Variants in ELF1 observed in about 807,000 individuals in gnomAD.
ELF1 encodes the protein ETS-related transcription factor Elf-1.
ELF1 carries 24 observed loss-of-function variants against 59.9 expected under a neutral mutation model. The observed-to-expected ratio is 0.40, with a 90% confidence interval of 0.29 to 0.56. The LOEUF (loss-of-function observed/expected upper bound fraction) is 0.56. ELF1 is among the 20% of genes least tolerant of loss of function. The probability of loss-of-function intolerance (pLI) is 0.44; values close to 1 mark genes in which losing one functional copy is unlikely to be tolerated. For synonymous variants in ELF1, 248 were observed against 266.2 expected, an observed-to-expected ratio of 0.93 and a Z score of 0.67; for missense variants, 627 against 742.2, an observed-to-expected ratio of 0.84 and a Z score of 1.80.
chr13:40,995,487 A>C (rs951144807), intron 1 of ELF1, among the ~76,000 whole-genome samples: 7 of 152,218 alleles, frequency 4.6e-5, no homozygotes, highest in Admixed American at 6.5e-5. Context: ...AACCTATAGT[A>C]ATCAAGACAG....
intron 1 of ELF1, among the ~76,000 whole-genome samples, chr13:41,060,642 C>T (rs1009045561): frequency 1.3e-5 from 2 of 152,174 alleles, no homozygotes; most frequent in Non-Finnish European, 2.9e-5. Flanking sequence ...TCTACAAACT[C>T]ACCCAGACGG....
intron 5 of ELF1, among the ~76,000 whole-genome samples, chr13:40,949,339 T>G (rs755375060): frequency 2.4e-4 from 36 of 152,120 alleles, no homozygotes; most frequent in Non-Finnish European, 4.0e-4. Context: ...ATACCTCTTT[T>G]TCTTATTTAT....
At position 41,060,914 on chromosome 13, in the gene ELF1, T is replaced by TGCCGCTGCCGCC. The variant is rs1555283652; in HGVS notation, c.-306_-305insGGCGGCAGCGGC. The stretch of plus-strand genomic sequence containing the variant: ...GCCTCTGCGCTACTGAAGCTGCTGC[T>TGCCGCTGCCGCC]GCCGCCGCCGCCGCCGCCGCCGCCG... On this transcript the variant is annotated 5_prime_UTR_variant, in exon 1 of 2. Transcript: ENST00000405737. The TGCCGCTGCCGCC allele has an allele frequency of 2.8e-3, 982 of 344,980 alleles. 69 individuals are homozygous for TGCCGCTGCCGCC. Among genetic ancestry groups the TGCCGCTGCCGCC allele is most frequent in the African/African-American group, 0.02 (876 of 44,082 alleles). The allele number at this position is 344,980 out of a possible 1,614,324, so 21.4% of individuals were successfully genotyped here. A position where few individuals can be genotyped will look rare whatever the true frequency, so the allele number is the denominator to read the frequency against.
intron 1 of ELF1, among the ~76,000 whole-genome samples, chr13:40,987,108 TG>T (rs1460711942): frequency 1.3e-5 from 2 of 150,584 alleles, no homozygotes; most frequent in South Asian, 4.2e-4. Context: ...GCTAATTTTT[TG>T]TATTTTTTAG....
chr13:40,960,579 C>T (rs1264904050), intron 2 of ELF1, among the ~76,000 whole-genome samples: 4 of 152,156 alleles, frequency 2.6e-5, no homozygotes, highest in East Asian at 1.9e-4. Context: ...CCCCCCATTG[C>T]TGGGGATATT....
intron 7 of ELF1, 52 bp downstream of exon 7, chr13:40,942,900 C>A: frequency 2.8e-6 from 4 of 1,417,636 alleles, no homozygotes; most frequent in South Asian, 1.9e-5. Context: ...TTTTTTTTTA[C>A]AATTTAGAAA....
At chr13:40,999,191 TG>T (rs1419704427) in intron 1 of ELF1, among the ~76,000 whole-genome samples, 2 of 152,278 alleles carry the variant, frequency 1.3e-5, no homozygotes, top group Admixed American at 6.5e-5. Context: ...CTTGTTCCCA[TG>T]AAACTTGTTT....
At chr13:41,012,214 G>A (rs564224140) in intron 1 of ELF1, among the ~76,000 whole-genome samples, 19 of 150,064 alleles carry the variant, frequency 1.3e-4, no homozygotes, top group African/African-American at 3.9e-4. Context: ...TTCGGAGGCC[G>A]AGGCAGCAGA....
chr13:41,051,330 A>G (rs1280856349), intron 1 of ELF1, among the ~76,000 whole-genome samples: 1 of 151,264 alleles, frequency 6.6e-6, no homozygotes, highest in Non-Finnish European at 1.5e-5. Flanking sequence ...CCTTCAGGAT[A>G]CTCCTCCTTC....
chr13:41,060,955 C>A, exon 1 of ELF1: 1 of 353,908 alleles, frequency 2.8e-6, no homozygotes, highest in East Asian at 6.8e-5. Flanking sequence ...GCTGCTGCTG[C>A]CCACACGCTC....
chr13:41,017,565 C>T (rs1875478932), intron 1 of ELF1, among the ~76,000 whole-genome samples: 1 of 152,080 alleles, frequency 6.6e-6, no homozygotes, highest in Non-Finnish European at 1.5e-5. Flanking sequence ...CTGGTCTTTT[C>T]TTGGTTCTCT....
intron 3 of ELF1, among the ~76,000 whole-genome samples, chr13:40,956,902 G>A (rs1440976231): frequency 6.6e-6 from 1 of 151,578 alleles, no homozygotes; most frequent in Admixed American, 6.6e-5. Context: ...ATGTTGGCCA[G>A]GCTGGTCTCG....
intron 5 of ELF1, among the ~76,000 whole-genome samples, chr13:40,944,644 T>C (rs919816189): frequency 6.6e-6 from 1 of 152,198 alleles, no homozygotes; most frequent in Non-Finnish European, 1.5e-5. Flanking sequence ...GTGATCTTCT[T>C]TTGCCAAGTA....
intron 8 of ELF1, among the ~76,000 whole-genome samples, chr13:40,936,291 T>A (rs1187533989): frequency 1.3e-5 from 2 of 152,152 alleles, no homozygotes; most frequent in Non-Finnish European, 2.9e-5. Context: ...GAGTATTTAT[T>A]ATTCTATCCT....
chr13:40,989,634 C>T lies in ELF1; in HGVS notation c.-228-7352G>A, dbSNP rs557892936. Among the ~76,000 whole-genome samples the T allele has an allele frequency of 6.6e-5, 10 of 152,064 alleles. No individual in the cohort carries two copies. In the South Asian group the frequency reaches 1.0e-3, roughly 16 times the overall value. On this transcript the variant is annotated intron_variant, in intron 1 of 8. Coordinates refer to ENST00000239882, the MANE Select transcript of ELF1 (RefSeq NM_172373.4). Reference sequence around the variant, plus strand: ...TGCACATGCATTTTACACTAACATCCATAGATTTCCACAATATAGTAAAAT... The same window carrying T: ...TGCACATGCATTTTACACTAACATCTATAGATTTCCACAATATAGTAAAAT...
At chr13:40,972,108 C>T (rs548231126) in intron 2 of ELF1, among the ~76,000 whole-genome samples, 11 of 152,102 alleles carry the variant, frequency 7.2e-5, no homozygotes, top group Non-Finnish European at 1.6e-4. Flanking sequence ...TCATAAAGGG[C>T]AATTTCTGCT....
chr13:41,048,990 G>A (rs1271594279), intron 1 of ELF1, among the ~76,000 whole-genome samples: 1 of 152,110 alleles, frequency 6.6e-6, no homozygotes, highest in Non-Finnish European at 1.5e-5. Flanking sequence ...TAAATCCAAT[G>A]AACACTTTCA....
chr13:40,970,995 C>T lies in ELF1; in HGVS notation c.72+10988G>A, dbSNP rs769087269. On this transcript the variant is annotated intron_variant, in intron 2 of 8. Coordinates refer to ENST00000239882, the MANE Select transcript of ELF1 (RefSeq NM_172373.4). ...CTTTATCCACTCAATCCCCACAACACTAGGCTATATATTATTGACACATAC... is the reference window on the plus strand; with the variant it reads ...CTTTATCCACTCAATCCCCACAACATTAGGCTATATATTATTGACACATAC... Among the ~76,000 whole-genome samples the T allele has an allele frequency of 2.0e-5, 3 of 152,136 alleles. No individual in the cohort carries two copies. In the East Asian group the frequency reaches 5.8e-4, roughly 29 times the overall value.
chr13:41,035,990 C>T (rs909040223), intron 1 of ELF1, among the ~76,000 whole-genome samples: 2 of 151,828 alleles, frequency 1.3e-5, no homozygotes, highest in African/African-American at 4.8e-5. Context: ...CTGCAAGCTC[C>T]ACTTTCCGGG....
Sources: gnomAD v4.1 joint callset for allele counts (sites outside exome capture counted in the v4.1 genomes callset) on GRCh38, gnomAD v4.1.1 for gene constraint, MANE v1.5 for transcripts, NCBI Gene and HGNC (gene_info 2026-07-23, HGNC 2026-07-21) for gene names.